Variants in SLCO4C1 observed in about 807,000 individuals in gnomAD.
The protein encoded by SLCO4C1 is solute carrier organic anion transporter family member 4C1, also known as organic anion transporter M1.
SLCO4C1 carries 58 observed loss-of-function variants against 72.1 expected under a neutral mutation model. The observed-to-expected ratio is 0.80, with a 90% CI of 0.65 to 1.00. The LOEUF (loss-of-function observed/expected upper bound fraction) is 1.00, where lower values mean the gene tolerates loss of function less well. SLCO4C1 is among the 50% of genes least tolerant of loss of function. SLCO4C1 has a pLI of 0.00. For missense variants in SLCO4C1, 898 were observed against 857.9 expected, an observed-to-expected ratio of 1.05 and a Z score of -0.58; for synonymous variants, 297 against 312.5, an observed-to-expected ratio of 0.95 and a Z score of 0.52.
chr5:102,263,443 A>G (rs954877502), intron 4 of SLCO4C1, among the ~76,000 whole-genome samples: 3 of 152,110 alleles, frequency 2.0e-5, no homozygotes, highest in Non-Finnish European at 4.4e-5. Flanking sequence ...ATTTCACCAG[A>G]TGACTTTATT....
chr5:102,256,196 T>C (rs1296886810), intron 8 of SLCO4C1, among the ~76,000 whole-genome samples: 1 of 151,870 alleles, frequency 6.6e-6, no homozygotes, highest in African/African-American at 2.4e-5. Context: ...AGAGCAAGAC[T>C]CTCTGTCTAA....
At chr5:102,280,943 G>A (rs186248282) in intron 2 of SLCO4C1, among the ~76,000 whole-genome samples, 21 of 152,122 alleles carry the variant, frequency 1.4e-4, no homozygotes, top group African/African-American at 4.3e-4. Flanking sequence ...ATCCTATTAC[G>A]ATATTTTGTA....
At chr5:102,250,780 G>A (rs932769120) in intron 8 of SLCO4C1, among the ~76,000 whole-genome samples, 12 of 152,216 alleles carry the variant, frequency 7.9e-5, no homozygotes, top group African/African-American at 2.4e-5. Flanking sequence ...CTTGAGGTCA[G>A]GAATTTGAGA....
intron 12 of SLCO4C1, among the ~76,000 whole-genome samples, chr5:102,237,889 T>C (rs1327418439): frequency 6.6e-6 from 1 of 152,226 alleles, no homozygotes; most frequent in Non-Finnish European, 1.5e-5. Context: ...CTTTGATTTA[T>C]TTCCAAGTAA....
chr5:102,253,500 G>A (rs261103), intron 8 of SLCO4C1, among the ~76,000 whole-genome samples: 88,228 of 151,768 alleles, frequency 0.58, 26,300 homozygotes, highest in East Asian at 0.69. Context: ...AAGAGAAGAA[G>A]TGGGGCAAGT....
At chr5:102,238,455 C>T (rs1748479032) in intron 12 of SLCO4C1, among the ~76,000 whole-genome samples, 1 of 152,058 alleles carries the variant, frequency 6.6e-6, no homozygotes, top group Admixed American at 6.6e-5. Flanking sequence ...ATTATTTCTT[C>T]AGCAAATATT....
chr5:102,295,060 G>A lies in SLCO4C1; in HGVS notation c.355+848C>T, dbSNP rs1561384738. 2.0e-5 allele frequency among the ~76,000 whole-genome samples: 3 copies of A among 152,068 alleles called. No homozygotes were observed. In the South Asian group the frequency reaches 6.2e-4, roughly 32 times the overall value. On this transcript the variant is annotated intron_variant, in intron 1 of 12. Transcript: ENST00000310954. ...CACCTCTTCTCCACCCTTCCTCAAAGTCAACTCAGGTTAACTTCCTATTTT... is the reference window on the plus strand; with the variant it reads ...CACCTCTTCTCCACCCTTCCTCAAAATCAACTCAGGTTAACTTCCTATTTT...
chr5:102,269,810 G>T (rs1749115050), intron 3 of SLCO4C1, among the ~76,000 whole-genome samples: 3 of 152,020 alleles, frequency 2.0e-5, no homozygotes, highest in African/African-American at 7.2e-5. Flanking sequence ...CACAGTTGGA[G>T]TAACAGTCAC....
rs1748984206 is a variant in SLCO4C1, at chr5:102,263,721, G to A, written c.862C>T (p.Leu288=). Residue 288 remains leucine (L), a synonymous_variant, in exon 4 of 13, where the codon CTG becomes TTG. Transcript: ENST00000310954. ...GCAACATCAATGTATATGGTTAGCA[G>A]TTGTCCTCCCAATACATAGCCAATA... The part of the protein sequence containing the change: ...PAIGYVLGGQ[L]LTIYIDVAMG... 5 of 1,612,804 alleles carry A rather than the reference G, an allele frequency of 3.1e-6. No homozygotes were observed. Among genetic ancestry groups the A allele is most frequent in the Admixed American group, 1.7e-5 (1 of 59,956 alleles).
chr5:102,249,493 A>G, intron 9 of SLCO4C1, 145 bp downstream of exon 9: 2 of 754,558 alleles, frequency 2.7e-6, no homozygotes, highest in South Asian at 1.8e-5. Flanking sequence ...AAAAGAATCT[A>G]TTTCAGCTGG....
chr5:102,295,917 C>T lies in SLCO4C1; in HGVS notation c.346G>A (p.Val116Ile). 1 of 1,611,966 alleles carries T rather than the reference C, an allele frequency of 6.2e-7. No individual in the cohort carries two copies. Among genetic ancestry groups the T allele is most frequent in the Non-Finnish European group, 8.5e-7 (1 of 1,178,342 alleles). ...GFLLHYCLLA[V>I]TQGIVVNGLV... ...GGGCGCTGGACTTTACCTTGCGTGA[C>T]GGCCAAGAGGCAGTAGTGAAGCAGA... is the stretch of plus-strand genomic sequence containing the variant. The change falls in exon 1 of 13, where the codon GTC becomes ATC. Residue 116 changes from valine (V) to isoleucine (I), a missense_variant. Coordinates refer to ENST00000310954, the MANE Select transcript of SLCO4C1 (RefSeq NM_180991.5).
Position 102,236,786 on chromosome 5 carries a change from G to T in SLCO4C1, c.*72C>A. The stretch of plus-strand genomic sequence containing the variant: ...TTGTCCATATTGGATAGATAATCCT[G>T]CCATGGCAATGTGTGTTCTTAAAAA... On this transcript the variant is annotated 3_prime_UTR_variant, in exon 13 of 13. Transcript: ENST00000310954. 1 of 1,419,526 alleles carries T rather than the reference G, an allele frequency of 7.0e-7. No homozygotes were observed. The highest frequency in any genetic ancestry group is 9.8e-7 in the Non-Finnish European group (1 of 1,024,274). 87.9% of individuals were successfully genotyped at this position (1,419,526 alleles called of 1,614,324 possible).
rs560887485 is a variant in SLCO4C1 at position 102,263,950 on chromosome 5, A to C, written c.803-170T>G. On this transcript the variant is annotated intron_variant, in intron 3 of 12. Transcript: ENST00000310954. ...ATTTGAATTGATAGTCAAGTCAAAA[A>C]TCCTAAAACACATAACTCAATATAA... is the stretch of plus-strand genomic sequence containing the variant. Among the ~76,000 whole-genome samples, 25 of 152,276 alleles carry C rather than the reference A, an allele frequency of 1.6e-4. 1 individual carries two copies. The South Asian group carries it at 4.8e-3, about 29-fold the overall frequency.
chr5:102,271,173 C>T (rs1383509586), intron 2 of SLCO4C1, among the ~76,000 whole-genome samples: 1 of 151,978 alleles, frequency 6.6e-6, no homozygotes, highest in Non-Finnish European at 1.5e-5. Flanking sequence ...CAACAATGTC[C>T]AGTTTTCACT....
intron 2 of SLCO4C1, among the ~76,000 whole-genome samples, chr5:102,288,367 C>G (rs572925370): frequency 6.6e-5 from 10 of 152,078 alleles, no homozygotes; most frequent in Non-Finnish European, 1.2e-4. Context: ...CTCCTTCATT[C>G]CTCCTTCACA....
intron 6 of SLCO4C1, among the ~76,000 whole-genome samples, chr5:102,259,287 A>G (rs1443593343): frequency 6.6e-6 from 1 of 152,128 alleles, no homozygotes; most frequent in Non-Finnish European, 1.5e-5. Flanking sequence ...AGGAGGACAC[A>G]AGGACAAAAA....
In SLCO4C1 at chr5:102,234,554, T is replaced by A. The variant is rs1165487744; in HGVS notation, c.*2304A>T. ...CAATGCAGCCCTTGATAGCTAAGAATCTTTATAAACGCCAATGATTTAGTG... is the reference window on the plus strand; with the variant it reads ...CAATGCAGCCCTTGATAGCTAAGAAACTTTATAAACGCCAATGATTTAGTG... On this transcript the variant is annotated 3_prime_UTR_variant, in exon 13 of 13. Coordinates refer to ENST00000310954, the MANE Select transcript of SLCO4C1 (RefSeq NM_180991.5). 6.6e-6 allele frequency: 1 copy of A among 152,502 alleles called. No individual in the cohort carries two copies. The highest frequency in any genetic ancestry group is 1.9e-4 in the East Asian group (1 of 5,182). 9.4% of individuals were successfully genotyped at this position (152,502 alleles called of 1,614,324 possible). A position where few individuals can be genotyped will look rare whatever the true frequency, so the allele number is the denominator to read the frequency against.
chr5:102,292,375 T>C (rs987907478), intron 1 of SLCO4C1, among the ~76,000 whole-genome samples: 5 of 152,152 alleles, frequency 3.3e-5, no homozygotes, highest in Admixed American at 3.3e-4. Flanking sequence ...TAGGCTCAAT[T>C]GCTTCCCAAA....
At chr5:102,259,343 T>C (rs1748895428) in intron 6 of SLCO4C1, among the ~76,000 whole-genome samples, 1 of 152,002 alleles carries the variant, frequency 6.6e-6, no homozygotes, top group Admixed American at 6.6e-5. Flanking sequence ...TAAATTAAAA[T>C]TTATAAGATA....
Sources: allele counts gnomAD v4.1 joint callset (sites outside exome capture counted in the v4.1 genomes callset), GRCh38; gene constraint gnomAD v4.1.1; transcripts MANE v1.5; gene names NCBI Gene and HGNC (gene_info 2026-07-23, HGNC 2026-07-21).